Variants in PRR5L observed in about 807,000 individuals in gnomAD.
PRR5L encodes proline-rich protein 5-like.
PRR5L carries 21 observed loss-of-function variants against 36.4 expected under a neutral mutation model. The ratio of observed to expected loss-of-function variants is 0.58; its 90% CI spans 0.41 to 0.83. The LOEUF is 0.83. PRR5L is among the 40% of genes least tolerant of loss of function. The pLI, the probability that PRR5L is intolerant of heterozygous loss-of-function variation, is 0.00. For missense variants in PRR5L, 381 were observed against 473.3 expected (o/e 0.80, Z 1.81); for synonymous variants, 188 against 197.0 (o/e 0.95, Z 0.38).
chr11:36,303,323 C>A (rs140097826), intron 1 of PRR5L, among the ~76,000 whole-genome samples: 2 of 152,316 alleles, frequency 1.3e-5, no homozygotes, highest in African/African-American at 2.4e-5. Flanking sequence ...CCAATCCATA[C>A]CCCACTGAAC....
chr11:36,303,360 A>G (rs1046802422), intron 1 of PRR5L, among the ~76,000 whole-genome samples: 3 of 152,220 alleles, frequency 2.0e-5, no homozygotes, highest in Admixed American at 6.5e-5. Context: ...TCTTGGCAGG[A>G]GAAAAGGGCT....
At chr11:36,419,139 A>T (rs1425119325) in intron 3 of PRR5L, 116 bp from the exon 4 acceptor site, 3 of 853,596 alleles carry the variant, frequency 3.5e-6, no homozygotes, top group Non-Finnish European at 4.0e-6. Context: ...GACCTAAGAA[A>T]GTGCCCTCAA....
chr11:36,369,969 A>T (rs929697353), intron 1 of PRR5L, among the ~76,000 whole-genome samples: 23 of 152,298 alleles, frequency 1.5e-4, no homozygotes, highest in African/African-American at 5.3e-4. Context: ...ATTATTTGCA[A>T]TGGAGTGTCT....
intron 1 of PRR5L, among the ~76,000 whole-genome samples, chr11:36,346,801 A>G (rs995954484): frequency 2.6e-5 from 4 of 152,218 alleles, no homozygotes; most frequent in Non-Finnish European, 4.4e-5. Flanking sequence ...CCAAGCTAGT[A>G]TAGTACATAG....
At chr11:36,415,514 T>G (rs1858122400) in intron 3 of PRR5L, among the ~76,000 whole-genome samples, 1 of 152,188 alleles carries the variant, frequency 6.6e-6, no homozygotes, top group African/African-American at 2.4e-5. Flanking sequence ...GAGGCCAAGG[T>G]GGGCAGATCA....
intron 1 of PRR5L, chr11:36,388,375 T>G (rs1243930460): frequency 2.6e-5 from 4 of 152,226 alleles, no homozygotes; most frequent in Non-Finnish European, 5.9e-5. Context: ...GTTGTCTTCC[T>G]TTTGGGGAAA....
chr11:36,364,762 G>T (rs1344600988), intron 1 of PRR5L, among the ~76,000 whole-genome samples: 1 of 152,202 alleles, frequency 6.6e-6, no homozygotes, highest in Non-Finnish European at 1.5e-5. Flanking sequence ...AAGCTTGGCA[G>T]TCTGTCCAGG....
intron 1 of PRR5L, among the ~76,000 whole-genome samples, chr11:36,317,581 A>C (rs1856570484): frequency 6.6e-6 from 1 of 152,240 alleles, no homozygotes; most frequent in African/African-American, 2.4e-5. Flanking sequence ...GACTAGTTCC[A>C]TAATATGCCT....
chr11:36,418,859 T>C (rs1858204293), intron 3 of PRR5L, among the ~76,000 whole-genome samples: 1 of 152,138 alleles, frequency 6.6e-6, no homozygotes, highest in Non-Finnish European at 1.5e-5. Context: ...TAATCCTTAG[T>C]TGAAGAATGT....
At chr11:36,418,244 T>A (rs1176339328) in intron 3 of PRR5L, among the ~76,000 whole-genome samples, 1 of 152,178 alleles carries the variant, frequency 6.6e-6, no homozygotes, top group Non-Finnish European at 1.5e-5. Context: ...ATAAAATCTC[T>A]CTATTGTCCC....
At chr11:36,382,805 G>T (rs764096497) in intron 1 of PRR5L, among the ~76,000 whole-genome samples, 3 of 152,172 alleles carry the variant, frequency 2.0e-5, no homozygotes, top group Non-Finnish European at 4.4e-5. Context: ...ATCGCCCCTA[G>T]TTGAGGACAT....
At chr11:36,364,670 C>G (rs1429998991) in intron 1 of PRR5L, among the ~76,000 whole-genome samples, 1 of 152,184 alleles carries the variant, frequency 6.6e-6, no homozygotes, top group Non-Finnish European at 1.5e-5. Flanking sequence ...AAGCTACAAG[C>G]TGCCCAAAGC....
At chr11:36,397,547 C>G (rs2467081) in intron 1 of PRR5L, among the ~76,000 whole-genome samples, 1 of 141,502 alleles carries the variant, frequency 7.1e-6, no homozygotes, top group Non-Finnish European at 1.5e-5. Flanking sequence ...ACCTCCACCT[C>G]TCGGATTCAA....
chr11:36,391,109 AT>A (rs1208010289), intron 1 of PRR5L, among the ~76,000 whole-genome samples: 2 of 152,202 alleles, frequency 1.3e-5, no homozygotes, highest in African/African-American at 4.8e-5. Flanking sequence ...AGGCAGGCAC[AT>A]CAGATGGCAT....
intron 6 of PRR5L, among the ~76,000 whole-genome samples, chr11:36,442,324 T>C (rs1236052653): frequency 6.7e-6 from 1 of 149,098 alleles, no homozygotes; most frequent in Admixed American, 6.9e-5. Flanking sequence ...ATGCCACATC[T>C]TGAATGCTTT....
intron 1 of PRR5L, among the ~76,000 whole-genome samples, chr11:36,370,807 G>A (rs1476631075): frequency 4.6e-5 from 7 of 150,786 alleles, no homozygotes; most frequent in South Asian, 2.1e-4. Flanking sequence ...CTTGAACCCC[G>A]GAGGTGGAGG....
chr11:36,370,888 A>AAAAAAAAC (rs779090715), intron 1 of PRR5L, among the ~76,000 whole-genome samples: 4 of 151,566 alleles, frequency 2.6e-5, no homozygotes, highest in Non-Finnish European at 4.4e-5. Flanking sequence ...CTCAAAAAAA[A>AAAAAAAAC]AAACAAACAA....
At chr11:36,415,746 T>C (rs190208266) in intron 3 of PRR5L, among the ~76,000 whole-genome samples, 1,553 of 152,204 alleles carry the variant, frequency 0.01, 28 homozygotes, top group African/African-American at 0.036. Flanking sequence ...TCTGTCTCAA[T>C]AAAAAACAGT....
At chr11:36,404,588 T>C (rs1440068671) in intron 3 of PRR5L, among the ~76,000 whole-genome samples, 1 of 152,146 alleles carries the variant, frequency 6.6e-6, no homozygotes, top group Non-Finnish European at 1.5e-5. Context: ...TTTCATGTCC[T>C]GGTATTCATT....
Sources: allele counts gnomAD v4.1 joint callset (sites outside exome capture counted in the v4.1 genomes callset), GRCh38; gene constraint gnomAD v4.1.1; transcripts MANE v1.5; gene names NCBI Gene and HGNC (gene_info 2026-07-23, HGNC 2026-07-21).